Variants in CERS6 observed in about 807,000 individuals in gnomAD.
The protein encoded by CERS6 is LAG1 homolog, ceramide synthase 6.
Under a neutral mutation model 56.8 loss-of-function variants are expected in CERS6, and 26 were observed. That is an observed-to-expected ratio of 0.46 (90% CI 0.34 to 0.63). The LOEUF (loss-of-function observed/expected upper bound fraction) is 0.63. Ranked by LOEUF, CERS6 falls within the 30% of genes least tolerant of loss-of-function variation. The pLI is 0.01. For missense variants in CERS6, 415 were observed against 467.5 expected (o/e 0.89, Z 1.04); for synonymous variants, 164 against 173.3 (o/e 0.95, Z 0.42).
Position 168,715,097 on chromosome 2 carries a change from T to C in CERS6, c.706T>C (p.Cys236Arg). Residue 236 changes from cysteine (C) to arginine (R), a missense_variant, in exon 7 of 10, where the codon TGT becomes CGT. Cys to Arg is a radical substitution (Grantham distance 180). Transcript: ENST00000305747. ...GGCCCGAGTAGGAACGCTGGTCCTT[T>C]GTCTTCATGATTCAGCTGATGCTCT... ...NMARVGTLVL[C>R]LHDSADALLE... 1 of 1,612,906 alleles carries C rather than the reference T, an allele frequency of 6.2e-7. No individual in the cohort carries two copies. The highest frequency in any genetic ancestry group is 8.5e-7 in the Non-Finnish European group (1 of 1,179,376).
At chr2:168,626,713 T>G (rs998439410) in intron 3 of CERS6, among the ~76,000 whole-genome samples, 2 of 152,206 alleles carry the variant, frequency 1.3e-5, no homozygotes, top group African/African-American at 4.8e-5. Context: ...TCCCAGTTTT[T>G]CCATTTACCA....
intron 1 of CERS6, among the ~76,000 whole-genome samples, chr2:168,472,707 G>A (rs936155442): frequency 6.6e-5 from 10 of 152,166 alleles, no homozygotes; most frequent in African/African-American, 2.2e-4. Flanking sequence ...AAGGATAGGC[G>A]CTAGTAAAGA....
intron 3 of CERS6, among the ~76,000 whole-genome samples, chr2:168,564,354 T>C (rs1245035341): frequency 6.6e-6 from 1 of 152,346 alleles, no homozygotes; most frequent in African/African-American, 2.4e-5. Context: ...CTATTAATTC[T>C]TTGTAAATTC....
chr2:168,626,372 C>G lies in CERS6; in HGVS notation c.408-4613C>G, dbSNP rs570930392. Among the ~76,000 whole-genome samples the G allele has an allele frequency of 6.0e-4, 91 of 152,252 alleles. 1 individual carries two copies. The highest frequency in any genetic ancestry group is 5.4e-3 in the South Asian group (26 of 4,818). ...TGGATGATTCCCCTGCTTCTGCTGCCTCTGTAGTTTACAATCCCTTGCCTT... is the reference window on the plus strand; with the variant it reads ...TGGATGATTCCCCTGCTTCTGCTGCGTCTGTAGTTTACAATCCCTTGCCTT... On this transcript the variant is annotated intron_variant, in intron 3 of 9. Transcript: ENST00000305747.
intron 3 of CERS6, among the ~76,000 whole-genome samples, chr2:168,613,880 G>A (rs935402362): frequency 2.5e-4 from 38 of 152,210 alleles, no homozygotes; most frequent in African/African-American, 9.2e-4. Flanking sequence ...TAGAACATGA[G>A]GTGCTGCAGT....
chr2:168,557,255 G>A (rs544198962), intron 2 of CERS6, among the ~76,000 whole-genome samples: 14 of 152,244 alleles, frequency 9.2e-5, no homozygotes, highest in Non-Finnish European at 1.9e-4. Flanking sequence ...AACATAGCAA[G>A]GTATGTGCAA....
intron 4 of CERS6, among the ~76,000 whole-genome samples, chr2:168,641,933 T>C (rs1340033523): frequency 6.6e-6 from 1 of 152,018 alleles, no homozygotes; most frequent in Non-Finnish European, 1.5e-5. Flanking sequence ...GTAATAATTT[T>C]GTTAAAAATT....
intron 4 of CERS6, among the ~76,000 whole-genome samples, chr2:168,681,809 C>G (rs534069171): frequency 5.3e-5 from 8 of 152,268 alleles, no homozygotes; most frequent in African/African-American, 1.9e-4. Context: ...CTGCCCATCC[C>G]CTAGTAACCA....
chr2:168,576,548 G>C (rs1225566856), intron 3 of CERS6, among the ~76,000 whole-genome samples: 3 of 151,998 alleles, frequency 2.0e-5, no homozygotes, highest in Admixed American at 1.3e-4. Flanking sequence ...ATCAAGATTT[G>C]TACATTAAAG....
At chr2:168,663,121 C>A (rs4668094) in intron 4 of CERS6, among the ~76,000 whole-genome samples, 1 of 151,916 alleles carries the variant, frequency 6.6e-6, no homozygotes, top group African/African-American at 2.4e-5. Flanking sequence ...GTGGTTCTCT[C>A]CCTTTGAGAA....
At chr2:168,736,206 A>G (rs1056660608) in intron 8 of CERS6, among the ~76,000 whole-genome samples, 1 of 152,214 alleles carries the variant, frequency 6.6e-6, no homozygotes, top group African/African-American at 2.4e-5. Context: ...GTTTTTGTGT[A>G]TATTAAGTAA....
At chr2:168,528,084 C>A (rs754782002) in intron 1 of CERS6, among the ~76,000 whole-genome samples, 1 of 152,096 alleles carries the variant, frequency 6.6e-6, no homozygotes, top group Non-Finnish European at 1.5e-5. Context: ...ATGACCTAAA[C>A]ACCTCCCATT....
chr2:168,687,802 C>G (rs2105357468), intron 4 of CERS6, among the ~76,000 whole-genome samples: 1 of 152,260 alleles, frequency 6.6e-6, no homozygotes, highest in East Asian at 1.9e-4. Context: ...CCACCAGGCT[C>G]AAGCAATCTT....
intron 1 of CERS6, among the ~76,000 whole-genome samples, chr2:168,506,997 C>G (rs939860098): frequency 6.6e-6 from 1 of 152,194 alleles, no homozygotes; most frequent in South Asian, 2.1e-4. Flanking sequence ...CCAGGTTCCC[C>G]AGTTATCAAC....
At chr2:168,662,127 C>CTTTTTTTT (rs71397658) in intron 4 of CERS6, among the ~76,000 whole-genome samples, 19 of 136,806 alleles carry the variant, frequency 1.4e-4, no homozygotes, top group African/African-American at 3.9e-4. Flanking sequence ...AAGGCTGTCT[C>CTTTTTTTT]TTTTTTTTTT....
At chr2:168,734,928 A>G (rs1683666966) in intron 8 of CERS6, among the ~76,000 whole-genome samples, 1 of 152,236 alleles carries the variant, frequency 6.6e-6, no homozygotes, top group African/African-American at 2.4e-5. Context: ...CCACTTGCAC[A>G]TAATCACTAT....
At chr2:168,760,757 TATTTA>T (rs1559083870) in intron 8 of CERS6, among the ~76,000 whole-genome samples, 1 of 151,802 alleles carries the variant, frequency 6.6e-6, no homozygotes, top group Non-Finnish European at 1.5e-5. Flanking sequence ...TTTATTTATT[TATTTA>T]TTTATTTTTT....
intron 6 of CERS6, among the ~76,000 whole-genome samples, chr2:168,704,608 T>G (rs1050796895): frequency 3.9e-5 from 6 of 152,034 alleles, no homozygotes; most frequent in African/African-American, 1.4e-4. Context: ...CTTTGTTCTT[T>G]TTGTTTGTTT....
chr2:168,475,638 A>G lies in CERS6; in HGVS notation c.170+19020A>G, dbSNP rs565283899. 4.2e-4 allele frequency among the ~76,000 whole-genome samples: 64 copies of G among 152,306 alleles called. 1 individual carries two copies. Among genetic ancestry groups the G allele is most frequent in the South Asian group, 2.1e-4 (1 of 4,826 alleles). On this transcript the variant is annotated intron_variant, in intron 1 of 9. Coordinates refer to ENST00000305747, the MANE Select transcript of CERS6 (RefSeq NM_203463.3). ...TATATAATATTTTTATTGGTATTTT[A>G]TGGAAATTGTATCCAAGGGTTTGAA...
Sources: allele counts gnomAD v4.1 joint callset (sites outside exome capture counted in the v4.1 genomes callset), GRCh38; gene constraint gnomAD v4.1.1; transcripts MANE v1.5; gene names NCBI Gene and HGNC (gene_info 2026-07-23, HGNC 2026-07-21).